The following METRNL variants were observed in gnomAD, a reference collection of about 807,000 sequenced individuals.
METRNL encodes the protein meteorin-like protein.
Under a neutral mutation model 17.4 loss-of-function variants are expected in METRNL, and 9 were observed. The observed-to-expected ratio is 0.52, with a 90% CI of 0.31 to 0.90. METRNL has a LOEUF of 0.90. Among genes scored for constraint, METRNL ranks in the 40% least tolerant of loss-of-function variants. METRNL has a pLI of 0.05. For missense variants in METRNL, 408 were observed against 430.7 expected (o/e 0.95, Z 0.47); for synonymous variants, 215 against 199.3 (o/e 1.08, Z -0.66).
At chr17:83,090,560 C>T (rs1399913209) in intron 2 of METRNL, among the ~76,000 whole-genome samples, 5 of 138,678 alleles carry the variant, frequency 3.6e-5, no homozygotes, top group African/African-American at 5.4e-5. Flanking sequence ...GATGGACTTC[C>T]GGCACCTCCT....
In METRNL at chr17:83,079,868, G is replaced by T; in HGVS notation, c.53G>T (p.Arg18Leu). 2 of 963,608 alleles carry T rather than the reference G, an allele frequency of 2.1e-6. No individual in the cohort carries two copies. Among genetic ancestry groups the T allele is most frequent in the South Asian group, 4.7e-5 (1 of 21,308 alleles). The allele number at this position is 963,608 out of a possible 1,614,324, so 59.7% of individuals were successfully genotyped here. A position where few individuals can be genotyped will look rare whatever the true frequency, so the allele number is the denominator to read the frequency against. The change falls in exon 1 of 4, where the codon CGA becomes CTA. Residue 18 changes from arginine to leucine, a missense_variant. By Grantham distance (102) the Arg-to-Leu change is moderately radical. Coordinates refer to ENST00000320095, the MANE Select transcript of METRNL (RefSeq NM_001004431.3). Reference protein sequence around the residue: ...AWGRAGQPWPRPPAPGPPPPP... With the variant: ...AWGRAGQPWPLPPAPGPPPPP... ...GGGCGCGCGGGGCAGCCGTGGCCGC[G>T]ACCCCCCGCCCCGGGCCCGCCCCCG... is the stretch of plus-strand genomic sequence containing the variant.
At chr17:83,088,557 T>G (rs1279411346) in intron 2 of METRNL, among the ~76,000 whole-genome samples, 1 of 152,066 alleles carries the variant, frequency 6.6e-6, no homozygotes, top group Non-Finnish European at 1.5e-5. Context: ...CAGGCCCCAG[T>G]GAGCAGGTGC....
At chr17:83,094,231 T>C (rs1386777789) in intron 3 of METRNL, 25 bp from the exon 4 acceptor site, 3 of 1,539,466 alleles carry the variant, frequency 1.9e-6, no homozygotes, top group Non-Finnish European at 2.6e-6. Flanking sequence ...GCTCACTCCC[T>C]GTCCCCATCT....
intron 2 of METRNL, among the ~76,000 whole-genome samples, chr17:83,088,653 G>A (rs903158531): frequency 4.0e-5 from 6 of 151,504 alleles, no homozygotes; most frequent in Non-Finnish European, 7.4e-5. Flanking sequence ...ACGTGGTGCC[G>A]TCCCTGGCTC....
intron 1 of METRNL, chr17:83,084,470 G>GA (rs2143619804): frequency 6.2e-6 from 1 of 161,668 alleles, no homozygotes; most frequent in Non-Finnish European, 1.3e-5. Flanking sequence ...TGGTACACAG[G>GA]GCCTGCTGGC....
At chr17:83,093,279 T>C (rs2038163006) in intron 3 of METRNL, 53 bp downstream of exon 3, 9 of 1,468,334 alleles carry the variant, frequency 6.1e-6, no homozygotes, top group Non-Finnish European at 8.5e-6. Flanking sequence ...TTCTGCCACA[T>C]GGAGCTGTTT....
At chr17:83,092,241 CGATG>C (rs1255297850) in intron 2 of METRNL, among the ~76,000 whole-genome samples, 2 of 152,224 alleles carry the variant, frequency 1.3e-5, no homozygotes, top group Non-Finnish European at 2.9e-5. Context: ...GGGGCCGGGC[CGATG>C]GCCCTGACTG....
intron 1 of METRNL, chr17:83,082,258 A>G (rs2037998693): frequency 4.1e-6 from 4 of 985,430 alleles, no homozygotes; most frequent in Non-Finnish European, 4.8e-6. Flanking sequence ...TTAACCTGCC[A>G]GTGGGTTCGA....
chr17:83,083,453 G>A (rs893505186), intron 1 of METRNL, among the ~76,000 whole-genome samples: 1 of 152,262 alleles, frequency 6.6e-6, no homozygotes, highest in Non-Finnish European at 1.5e-5. Flanking sequence ...GCTGACTGTA[G>A]CTGAGTGTAT....
At chr17:83,089,400 C>T (rs2038089899) in intron 2 of METRNL, among the ~76,000 whole-genome samples, 1 of 152,184 alleles carries the variant, frequency 6.6e-6, no homozygotes, top group South Asian at 2.1e-4. Context: ...CTGTCCTTAC[C>T]TGGGCAGTCC....
intron 1 of METRNL, chr17:83,084,704 G>A: frequency 3.5e-6 from 2 of 565,686 alleles, no homozygotes; most frequent in South Asian, 2.4e-5. Flanking sequence ...CCCCACCATG[G>A]CTCTTGGTGC....
intron 2 of METRNL, among the ~76,000 whole-genome samples, chr17:83,091,040 G>T (rs1357792632): frequency 6.6e-6 from 1 of 152,140 alleles, no homozygotes; most frequent in African/African-American, 2.4e-5. Context: ...CCAGCTTGGG[G>T]GTCAGGAGGC....
At chr17:83,090,218 A>C (rs2038105919) in intron 2 of METRNL, among the ~76,000 whole-genome samples, 1 of 32,038 alleles carries the variant, frequency 3.1e-5, no homozygotes, top group Admixed American at 5.6e-4. Flanking sequence ...GCCCCGCCCC[A>C]GGGTGGGAGC....
At chr17:83,090,972 A>G (rs1290144426) in intron 2 of METRNL, among the ~76,000 whole-genome samples, 2 of 152,058 alleles carry the variant, frequency 1.3e-5, no homozygotes, top group African/African-American at 2.4e-5. Context: ...TAGGTGAACT[A>G]AGTGTCAAGG....
intron 1 of METRNL, among the ~76,000 whole-genome samples, chr17:83,081,267 A>G (rs2143607820): frequency 6.6e-6 from 1 of 152,176 alleles, no homozygotes; most frequent in South Asian, 2.1e-4. Flanking sequence ...CCGCGGAGTG[A>G]TTCAGCCCCG....
At chr17:83,090,065 C>G (rs188375780) in intron 2 of METRNL, among the ~76,000 whole-genome samples, 1 of 151,970 alleles carries the variant, frequency 6.6e-6, no homozygotes, top group Admixed American at 6.5e-5. Flanking sequence ...CATACCCTCA[C>G]GCGCCCAGGC....
rs1346924116 is a variant in METRNL, at chr17:83,080,577, C to A, written c.170+592C>A. 1.9e-4 allele frequency among the ~76,000 whole-genome samples: 25 copies of A among 132,014 alleles called. 1 individual carries two copies. The highest frequency in any genetic ancestry group is 3.8e-4 in the African/African-American group (14 of 37,144). The allele number at this position is 132,014 out of a possible 152,430, so 86.6% of individuals were successfully genotyped here. ...GCTGCGCTGGGCGACCCCCCCCCCCCCCACCCGCGGTGGCGGCCGAGGACT... is the reference window on the plus strand; with the variant it reads ...GCTGCGCTGGGCGACCCCCCCCCCCACCACCCGCGGTGGCGGCCGAGGACT... On this transcript the variant is annotated intron_variant, in intron 1 of 3. Transcript: ENST00000320095.
chr17:83,091,187 C>T (rs956663895), intron 2 of METRNL, among the ~76,000 whole-genome samples: 1 of 151,876 alleles, frequency 6.6e-6, no homozygotes, highest in African/African-American at 2.4e-5. Context: ...TCAAGGTGCT[C>T]AGCAGTGCCA....
chr17:83,092,029 C>T (rs1447996558), intron 2 of METRNL, among the ~76,000 whole-genome samples: 1 of 152,198 alleles, frequency 6.6e-6, no homozygotes, highest in Non-Finnish European at 1.5e-5. Flanking sequence ...AGGGCTGGGC[C>T]GAGGGGAGAA....
Sources: allele counts gnomAD v4.1 joint callset (sites outside exome capture counted in the v4.1 genomes callset), GRCh38; gene constraint gnomAD v4.1.1; transcripts MANE v1.5; gene names NCBI Gene and HGNC (gene_info 2026-07-23, HGNC 2026-07-21).